The following OSMR variants were observed in gnomAD, a reference collection of about 807,000 sequenced individuals.
The protein encoded by OSMR is oncostatin-M-specific receptor subunit beta.
OSMR carries 81 observed loss-of-function variants against 99.9 expected under a neutral mutation model. The ratio of observed to expected loss-of-function variants is 0.81; its 90% CI spans 0.68 to 0.97. The LOEUF is 0.97. OSMR is among the 50% of genes least tolerant of loss of function. OSMR has a pLI of 0.00. For missense variants in OSMR, 1,099 were observed against 1,153.4 expected (o/e 0.95, Z 0.68); for synonymous variants, 406 against 410.4 (o/e 0.99, Z 0.13).
chr5:38,872,909 A>T (rs1224178427), intron 2 of OSMR, among the ~76,000 whole-genome samples: 2 of 152,192 alleles, frequency 1.3e-5, no homozygotes. Flanking sequence ...GATTATAGAA[A>T]CTCAATTTCT....
At chr5:38,876,455 A>T (rs1742847399) in intron 3 of OSMR, 82 bp downstream of exon 3, 1 of 1,224,188 alleles carries the variant, frequency 8.2e-7, no homozygotes, top group Middle Eastern at 1.9e-4. Context: ...CATCTGAAAA[A>T]TTCTCGTTTT....
intron 3 of OSMR, among the ~76,000 whole-genome samples, chr5:38,878,231 G>T (rs577164765): frequency 6.6e-6 from 1 of 152,152 alleles, no homozygotes; most frequent in Non-Finnish European, 1.5e-5. Flanking sequence ...TGAAGTTGAC[G>T]AGAACTATCC....
intron 2 of OSMR, among the ~76,000 whole-genome samples, chr5:38,872,757 A>G (rs1334290983): frequency 1.3e-5 from 2 of 152,190 alleles, no homozygotes; most frequent in Non-Finnish European, 2.9e-5. Flanking sequence ...TTTTATTTTT[A>G]CTTCCCTTTA....
At position 38,923,182 on chromosome 5, in the gene OSMR, A is replaced by G; in HGVS notation, c.1798A>G (p.Arg600Gly). ...AFRPGVRYDF[R>G]IYGLSTKRIA... ...TAGGCCAGGAGTTCGATATGACTTC[A>G]GAATTTATGGGTTATCTACAAAAAG... Residue 600 changes from arginine (R) to glycine (G), a missense_variant, in exon 13 of 18, where the codon AGA (arginine) becomes GGA (glycine). Coordinates refer to ENST00000274276, the MANE Select transcript of OSMR (RefSeq NM_003999.3). 5.6e-6 allele frequency: 9 copies of G among 1,613,346 alleles called. No individual in the cohort carries two copies. The highest frequency in any genetic ancestry group is 7.6e-6 in the Non-Finnish European group (9 of 1,179,318).
At chr5:38,901,056 A>G (rs923528517) in intron 7 of OSMR, among the ~76,000 whole-genome samples, 1 of 152,232 alleles carries the variant, frequency 6.6e-6, no homozygotes, top group African/African-American at 2.4e-5. Flanking sequence ...GCAATGGCCC[A>G]TGAGTCTGTG....
chr5:38,887,112 A>G (rs1442552307), intron 7 of OSMR, among the ~76,000 whole-genome samples: 2 of 152,122 alleles, frequency 1.3e-5, no homozygotes, highest in Non-Finnish European at 2.9e-5. Context: ...CAATTTGCAC[A>G]TTTTTTGTTG....
At chr5:38,940,111 A>T (rs765901868), downstream of OSMR, 8 of 219,388 alleles carry the variant, frequency 3.6e-5, no homozygotes, top group African/African-American at 7.0e-5. Flanking sequence ...GTATACATAC[A>T]TATTTTTCAA....
downstream of OSMR, chr5:38,937,893 A>C (rs1159123583): frequency 5.6e-6 from 1 of 177,246 alleles, no homozygotes; most frequent in Non-Finnish European, 1.2e-5. This position sits in a 1 kb window ranked among gnomAD's most constrained non-coding sequence, Gnocchi z 4.0. Context: ...TGATTATTTT[A>C]AGATTTCAAA....
At position 38,925,188 on chromosome 5, in the gene OSMR, A is replaced by G. The variant is rs749280873; in HGVS notation, c.2045-16A>G. On this transcript the variant is annotated splice_polypyrimidine_tract_variant and intron_variant, in intron 14 of 17. Transcript: ENST00000274276. ...CTTTTTTTTCCTTGAAAAAAAAACC[A>G]TTTAAAAAATCACAGATGGTTCAGA... The G allele has an allele frequency of 3.1e-6, 5 of 1,613,228 alleles. No homozygotes were observed. Among genetic ancestry groups the G allele is most frequent in the African/African-American group, 2.7e-5 (2 of 74,816 alleles).
intron 7 of OSMR, among the ~76,000 whole-genome samples, chr5:38,901,908 C>T (rs1218821230): frequency 6.6e-6 from 1 of 152,110 alleles, no homozygotes; most frequent in Non-Finnish European, 1.5e-5. Flanking sequence ...CTCAAAGAGG[C>T]CTACCAGCTG....
intron 12 of OSMR, 30 bp from the exon 13 acceptor site, chr5:38,923,120 A>G (rs112711938): frequency 6.2e-7 from 1 of 1,612,374 alleles, no homozygotes; most frequent in Non-Finnish European, 8.5e-7. Context: ...TCATTCTGTT[A>G]TTAAAAATCT....
At chr5:38,857,074 C>G (rs1287392007) in intron 1 of OSMR, among the ~76,000 whole-genome samples, 1 of 152,234 alleles carries the variant, frequency 6.6e-6, no homozygotes, top group East Asian at 1.9e-4. Context: ...TCTGCTTACC[C>G]TTAAATGGCA....
chr5:38,899,964 C>T (rs1477508042), intron 7 of OSMR, among the ~76,000 whole-genome samples: 17 of 152,224 alleles, frequency 1.1e-4, no homozygotes, highest in South Asian at 2.1e-4. Flanking sequence ...GCTCTAAGCC[C>T]GGCTCAGCAC....
rs61559728 is a variant in OSMR at position 38,852,718 on chromosome 5, A to ATTT, written c.-14+6359_-14+6361dup. 1.5e-3 allele frequency among the ~76,000 whole-genome samples: 107 copies of ATTT among 70,676 alleles called. 13 individuals carry two copies. Among genetic ancestry groups the ATTT allele is most frequent in the Admixed American group, 2.7e-3 (13 of 4,808 alleles). The allele number at this position is 70,676 out of a possible 152,430, so 46.4% of individuals were successfully genotyped here. On this transcript the variant is annotated intron_variant, in intron 1 of 17. Coordinates refer to ENST00000274276, the MANE Select transcript of OSMR (RefSeq NM_003999.3). ...GATACATATTGAAACTATTGTTTTC[A>ATTT]TTTTTTTTTTTTTTTTTTTTTTTTT...
intron 11 of OSMR, among the ~76,000 whole-genome samples, chr5:38,920,281 A>G (rs1339736849): frequency 6.6e-6 from 1 of 152,202 alleles, no homozygotes. Flanking sequence ...AAAGTCACTC[A>G]TGTACTATGA....
Position 38,919,012 on chromosome 5 carries a change from T to C in OSMR, c.1535T>C (p.Val512Ala), listed in dbSNP as rs751057495. 6.2e-6 allele frequency: 10 copies of C among 1,614,154 alleles called. No individual in the cohort carries two copies. The highest frequency in any genetic ancestry group is 1.6e-4 in the Middle Eastern group (1 of 6,062). The change falls in exon 11 of 18, where the codon GTG becomes GCG. Residue 512 changes from valine to alanine, a missense_variant. Coordinates refer to ENST00000274276, the MANE Select transcript of OSMR (RefSeq NM_003999.3). ...ATCTGCGTCATAGCCAACAACAGTG[T>C]GGGTGCTTCTCCTGCTTCTGTAATA... ...YQICVIANNS[V>A]GASPASVIVI...
intron 9 of OSMR, among the ~76,000 whole-genome samples, chr5:38,908,678 G>A (rs915498491): frequency 6.6e-6 from 1 of 152,190 alleles, no homozygotes; most frequent in Non-Finnish European, 1.5e-5. Flanking sequence ...AAATCTTCCA[G>A]ATGGGAACCC....
chr5:38,856,559 C>T (rs566958697), intron 1 of OSMR, among the ~76,000 whole-genome samples: 4 of 152,302 alleles, frequency 2.6e-5, no homozygotes, highest in Admixed American at 2.0e-4. Context: ...GGAATCTGAG[C>T]ACAAAAGCTA....
chr5:38,905,715 C>T (rs1745184390), intron 9 of OSMR, among the ~76,000 whole-genome samples: 1 of 152,192 alleles, frequency 6.6e-6, no homozygotes, highest in African/African-American at 2.4e-5. Flanking sequence ...ACCAGAGCTC[C>T]ACCCTTAATC....
Sources: gnomAD v4.1 joint callset for allele counts (sites outside exome capture counted in the v4.1 genomes callset) on GRCh38, gnomAD v4.1.1 for gene constraint, Gnocchi (gnomAD v3.1) non-coding constraint, MANE v1.5 for transcripts, NCBI Gene and HGNC (gene_info 2026-07-23, HGNC 2026-07-21) for gene names.